ARHGEF26: variants seen among roughly 807,000 people sequenced by gnomAD.
ARHGEF26 encodes Rho guanine nucleotide exchange factor (GEF) 26.
In ARHGEF26, 59 loss-of-function variants were observed where a neutral mutation model predicts 89.4. The observed-to-expected ratio is 0.66, with a 90% CI of 0.54 to 0.82. The LOEUF (loss-of-function observed/expected upper bound fraction) is 0.82, where lower values mean the gene tolerates loss of function less well. ARHGEF26 is among the 40% of genes least tolerant of loss of function. The pLI is 0.00. For missense variants in ARHGEF26, 1,234 were observed against 1,085.6 expected (o/e 1.14, Z -1.92); for synonymous variants, 500 against 428.4 (o/e 1.17, Z -2.06).
chr3:154,132,073 A>G (rs997829225), intron 4 of ARHGEF26, among the ~76,000 whole-genome samples: 1 of 152,158 alleles, frequency 6.6e-6, no homozygotes, highest in South Asian at 2.1e-4. Flanking sequence ...TTGCTTGGCA[A>G]TTAAATTTAA....
intron 6 of ARHGEF26, among the ~76,000 whole-genome samples, chr3:154,184,191 C>T (rs1713361599): frequency 6.6e-6 from 1 of 152,130 alleles, no homozygotes; most frequent in Non-Finnish European, 1.5e-5. Flanking sequence ...CCAGGATGGT[C>T]TCGATCTCCT....
At chr3:154,221,531 TATA>T (rs1268926733) in intron 10 of ARHGEF26, among the ~76,000 whole-genome samples, 1 of 152,184 alleles carries the variant, frequency 6.6e-6, no homozygotes, top group East Asian at 1.9e-4. Flanking sequence ...GAGCTATTAT[TATA>T]GTGTTGTTTG....
At chr3:154,206,830 G>A (rs2108223541) in intron 9 of ARHGEF26, among the ~76,000 whole-genome samples, 1 of 152,258 alleles carries the variant, frequency 6.6e-6, no homozygotes, top group South Asian at 2.1e-4. Context: ...AAAGAACAAA[G>A]CTGGAGGCAT....
At chr3:154,142,241 G>A (rs1035435268) in intron 4 of ARHGEF26, among the ~76,000 whole-genome samples, 1 of 151,270 alleles carries the variant, frequency 6.6e-6, no homozygotes, top group Non-Finnish European at 1.5e-5. Flanking sequence ...TTCTTTTAAG[G>A]TAGAGATAGG....
chr3:154,248,105 G>C (rs1717908142), intron 12 of ARHGEF26, among the ~76,000 whole-genome samples: 1 of 152,220 alleles, frequency 6.6e-6, no homozygotes, highest in South Asian at 2.1e-4. Context: ...TTTGGGTGTA[G>C]TGTATACCGT....
At chr3:154,241,062 C>A (rs895909639) in intron 12 of ARHGEF26, among the ~76,000 whole-genome samples, 1 of 152,124 alleles carries the variant, frequency 6.6e-6, no homozygotes, top group Non-Finnish European at 1.5e-5. Flanking sequence ...CTGATAAATC[C>A]TCTTTCTAAT....
intron 12 of ARHGEF26, among the ~76,000 whole-genome samples, chr3:154,240,921 T>C (rs909061443): frequency 1.3e-5 from 2 of 152,214 alleles, no homozygotes; most frequent in African/African-American, 4.8e-5. Context: ...ACTCAACTGG[T>C]ATTTTGAGTC....
chr3:154,227,292 A>ATTTTT (rs10707250), intron 11 of ARHGEF26, among the ~76,000 whole-genome samples: 1 of 111,718 alleles, frequency 9.0e-6, no homozygotes, highest in African/African-American at 3.5e-5. Flanking sequence ...CTAAGTAAAA[A>ATTTTT]TTTTTTTTTT....
intron 4 of ARHGEF26, among the ~76,000 whole-genome samples, chr3:154,148,961 G>A (rs1290215907): frequency 6.6e-6 from 1 of 152,118 alleles, no homozygotes; most frequent in Non-Finnish European, 1.5e-5. Flanking sequence ...CTTAGAAATG[G>A]GATGCCTTTC....
chr3:154,218,910 A>G (rs1715945298), intron 10 of ARHGEF26, among the ~76,000 whole-genome samples: 2 of 152,186 alleles, frequency 1.3e-5, no homozygotes, highest in Non-Finnish European at 1.5e-5. Context: ...AATCAGGACT[A>G]AGGTCTAGAT....
At chr3:154,158,499 A>G (rs756653762) in intron 6 of ARHGEF26, among the ~76,000 whole-genome samples, 1 of 152,168 alleles carries the variant, frequency 6.6e-6, no homozygotes, top group African/African-American at 2.4e-5. Context: ...TAAATTCTTT[A>G]AATTTAGGTA....
At chr3:154,237,062 CCA>C (rs1717165930) in intron 11 of ARHGEF26, among the ~76,000 whole-genome samples, 1 of 152,126 alleles carries the variant, frequency 6.6e-6, no homozygotes, top group Non-Finnish European at 1.5e-5. Flanking sequence ...ATTAGGGCAG[CCA>C]CAGTTTATCA....
At position 154,122,304 on chromosome 3, in the gene ARHGEF26, C is replaced by T. The variant is rs768287246; in HGVS notation, c.312C>T (p.Ala104=). Residue 104 remains alanine, a synonymous_variant, in exon 2 of 15, where the codon GCC becomes GCT. Coordinates refer to ENST00000465093, the MANE Select transcript of ARHGEF26 (RefSeq NM_015595.4). ...CGGCATCCCCGGAGTACAGGGCTGC[C>T]TCTCCTCGACTTCGACGGCCCAAGT... ...GGTASPEYRA[A]SPRLRRPKSP... 1.9e-6 allele frequency: 3 copies of T among 1,612,832 alleles called. No homozygotes were observed. The highest frequency in any genetic ancestry group is 1.6e-4 in the Middle Eastern group (1 of 6,062).
rs1035701146 is a variant in ARHGEF26, at chr3:154,241,973, C to G, written c.2300+1394C>G. Reference sequence around the variant, plus strand: ...TGAGCCTAGGAGAAGGTACAGAAATCTAACTGAAGTTTGGCCAAGCCAAGA... The same window carrying G: ...TGAGCCTAGGAGAAGGTACAGAAATGTAACTGAAGTTTGGCCAAGCCAAGA... On this transcript the variant is annotated intron_variant, in intron 12 of 14. Coordinates refer to ENST00000465093, the MANE Select transcript of ARHGEF26 (RefSeq NM_015595.4). 4.6e-5 allele frequency among the ~76,000 whole-genome samples: 7 copies of G among 152,196 alleles called. No homozygotes were observed. In the South Asian group the frequency reaches 6.2e-4, roughly 14 times the overall value.
In ARHGEF26 at chr3:154,241,634, C is replaced by A. The variant is rs575821707; in HGVS notation, c.2300+1055C>A. Among the ~76,000 whole-genome samples, 4 of 152,310 alleles carry A rather than the reference C, an allele frequency of 2.6e-5. No individual in the cohort carries two copies. The South Asian group carries it at 6.2e-4, about 24-fold the overall frequency. ...GTAAGGACCATTGCAGCAACGTCTC[C>A]AGTAGGGGAGAGAGATTGGGCTCAA... On this transcript the variant is annotated intron_variant, in intron 12 of 14. Transcript: ENST00000465093.
intron 6 of ARHGEF26, among the ~76,000 whole-genome samples, chr3:154,166,308 C>T (rs1712033246): frequency 6.6e-6 from 1 of 152,094 alleles, no homozygotes; most frequent in Admixed American, 6.5e-5. Flanking sequence ...CCTTGGCCTC[C>T]CAAAATGCTG....
chr3:154,225,819 A>T, intron 10 of ARHGEF26, 37 bp from the exon 11 acceptor site: 1 of 1,562,372 alleles, frequency 6.4e-7, no homozygotes, highest in Non-Finnish European at 8.6e-7. Context: ...AAGGATTTCA[A>T]TTTAGCTTTG....
chr3:154,122,545 C>T lies in ARHGEF26; in HGVS notation c.553C>T (p.Pro185Ser). The T allele has an allele frequency of 6.2e-7, 1 of 1,613,578 alleles. No homozygotes were observed. ...TGGCCTTGCCGCTAATAACGACTCTCCTGGGTCAGGTTCGCAGTCCGGCCG... is the reference window on the plus strand; with the variant it reads ...TGGCCTTGCCGCTAATAACGACTCTTCTGGGTCAGGTTCGCAGTCCGGCCG... Reference protein sequence around the residue: ...ANGLAANNDSPGSGSQSGRKA... With the variant: ...ANGLAANNDSSGSGSQSGRKA... Residue 185 changes from proline to serine, a missense_variant, in exon 2 of 15, where the codon CCT becomes TCT. Pro to Ser is a moderately conservative substitution (Grantham distance 74). Coordinates refer to ENST00000465093, the MANE Select transcript of ARHGEF26 (RefSeq NM_015595.4).
intron 9 of ARHGEF26, 101 bp downstream of exon 9, chr3:154,194,819 A>G: frequency 1.0e-6 from 1 of 983,624 alleles, no homozygotes. Context: ...GTAGAGTCTC[A>G]CAGCCATTTG....
Sources: allele counts gnomAD v4.1 joint callset (sites outside exome capture counted in the v4.1 genomes callset), GRCh38; gene constraint gnomAD v4.1.1; transcripts MANE v1.5; gene names NCBI Gene and HGNC (gene_info 2026-07-23, HGNC 2026-07-21).